CCSER1: variants seen among roughly 807,000 people sequenced by gnomAD.
The protein encoded by CCSER1 is coiled-coil serine rich protein 1, also known as serine-rich coiled-coil domain-containing protein 1.
CCSER1 carries 41 observed loss-of-function variants against 82.0 expected under a neutral mutation model. The ratio of observed to expected loss-of-function variants is 0.50; its 90% confidence interval spans 0.39 to 0.65. The LOEUF is 0.65. Among genes scored for constraint, CCSER1 ranks in the 30% least tolerant of loss-of-function variants. The probability of loss-of-function intolerance (pLI) is 0.00; values close to 1 mark genes in which losing one functional copy is unlikely to be tolerated. For missense variants in CCSER1, 1,119 were observed against 1,064.2 expected, an observed-to-expected ratio of 1.05 and a Z score of -0.72; for synonymous variants, 414 against 383.9, an observed-to-expected ratio of 1.08 and a Z score of -0.92.
chr4:91,386,396 T>A (rs188089864), intron 10 of CCSER1, among the ~76,000 whole-genome samples: 7 of 152,202 alleles, frequency 4.6e-5, no homozygotes, highest in Admixed American at 1.3e-4. Flanking sequence ...ATTAAAGAGA[T>A]GGCAAATAGA....
chr4:90,834,318 A>T (rs1761513874), intron 8 of CCSER1, among the ~76,000 whole-genome samples: 1 of 152,202 alleles, frequency 6.6e-6, no homozygotes. Context: ...GATTCCACAC[A>T]TCATTCTCAA....
At chr4:91,212,710 T>G (rs372475137) in intron 10 of CCSER1, among the ~76,000 whole-genome samples, 6 of 152,330 alleles carry the variant, frequency 3.9e-5, no homozygotes, top group African/African-American at 1.4e-4. Context: ...GTATTTTTTA[T>G]GAAATTTTTA....
chr4:90,182,433 T>C (rs1733893107), intron 1 of CCSER1, among the ~76,000 whole-genome samples: 1 of 152,148 alleles, frequency 6.6e-6, no homozygotes, highest in Admixed American at 6.6e-5. Context: ...GACCAGTCTT[T>C]GTGTTATTCT....
intron 4 of CCSER1, among the ~76,000 whole-genome samples, chr4:90,404,610 C>T (rs1476495159): frequency 6.6e-6 from 1 of 152,202 alleles, no homozygotes; most frequent in African/African-American, 2.4e-5. Context: ...ACAGAGTCCA[C>T]TTCACTCCCC....
intron 10 of CCSER1, among the ~76,000 whole-genome samples, chr4:91,548,725 T>A (rs908387251): frequency 3.9e-5 from 6 of 152,120 alleles, no homozygotes; most frequent in African/African-American, 1.4e-4. Context: ...TGGATGTGAT[T>A]CTTTTTTCTT....
intron 10 of CCSER1, among the ~76,000 whole-genome samples, chr4:91,550,145 A>C (rs1762092845): frequency 6.6e-6 from 1 of 152,176 alleles, no homozygotes. Context: ...AGTTTCTCCC[A>C]AGGGAAGGAC....
At chr4:90,724,698 T>G (rs547341952) in intron 7 of CCSER1, 1 of 354,496 alleles carries the variant, frequency 2.8e-6, no homozygotes, top group South Asian at 2.3e-5. Flanking sequence ...GAAAAAAACT[T>G]AAAACGTTGG....
At chr4:90,274,853 C>G (rs1405394805) in intron 1 of CCSER1, among the ~76,000 whole-genome samples, 1 of 151,958 alleles carries the variant, frequency 6.6e-6, no homozygotes, top group Non-Finnish European at 1.5e-5. Flanking sequence ...AGGAAAAGAT[C>G]AAATTAGAAA....
chr4:91,457,893 T>C (rs1318232487), intron 10 of CCSER1, among the ~76,000 whole-genome samples: 1 of 152,178 alleles, frequency 6.6e-6, no homozygotes, highest in African/African-American at 2.4e-5. Flanking sequence ...TGAAATTTGA[T>C]ATGAAATTAT....
chr4:91,459,255 G>A (rs1384762955), intron 10 of CCSER1, among the ~76,000 whole-genome samples: 1 of 152,002 alleles, frequency 6.6e-6, no homozygotes, highest in African/African-American at 2.4e-5. Flanking sequence ...ATGAAAGGGA[G>A]GCTTAAGAGG....
Position 91,011,698 on chromosome 4 carries a change from G to T in CCSER1, c.2173-74252G>T, listed in dbSNP as rs895725600. Among the ~76,000 whole-genome samples the T allele has an allele frequency of 8.9e-5, 12 of 134,398 alleles. 2 individuals carry two copies. The highest frequency in any genetic ancestry group is 3.0e-4 in the African/African-American group (12 of 40,328). 88.2% of individuals were successfully genotyped at this position (134,398 alleles called of 152,430 possible). ...TGGGCCCAAGGAGCAAGGTGTAGCT[G>T]CAATTTGTGTACCAGAGCCAATAGG... On this transcript the variant is annotated intron_variant, in intron 9 of 10. Coordinates refer to ENST00000509176, the MANE Select transcript of CCSER1 (RefSeq NM_001145065.2).
At chr4:90,578,544 A>T (rs2148619273) in intron 5 of CCSER1, among the ~76,000 whole-genome samples, 1 of 152,324 alleles carries the variant, frequency 6.6e-6, no homozygotes, top group South Asian at 2.1e-4. Context: ...CTTAGAGAAT[A>T]GGCAAAAAAT....
intron 1 of CCSER1, among the ~76,000 whole-genome samples, chr4:90,240,354 G>A (rs991934671): frequency 6.6e-6 from 1 of 152,166 alleles, no homozygotes; most frequent in Admixed American, 6.5e-5. Flanking sequence ...TCTTTCTGGA[G>A]AAGGCCTTGG....
At chr4:90,904,869 C>G (rs1725224234) in intron 8 of CCSER1, among the ~76,000 whole-genome samples, 1 of 152,038 alleles carries the variant, frequency 6.6e-6, no homozygotes, top group Non-Finnish European at 1.5e-5. Context: ...CAGTATCTCC[C>G]ATTCACCCTT....
At chr4:91,276,411 A>T (rs780691651) in intron 10 of CCSER1, among the ~76,000 whole-genome samples, 11 of 151,904 alleles carry the variant, frequency 7.2e-5, no homozygotes, top group South Asian at 2.1e-4. Flanking sequence ...AGCTATTGAA[A>T]AATGAGATTA....
At chr4:90,135,884 T>C (rs1292855339) in intron 1 of CCSER1, among the ~76,000 whole-genome samples, 2 of 152,258 alleles carry the variant, frequency 1.3e-5, no homozygotes, top group Non-Finnish European at 2.9e-5. Context: ...TTATGGTGTT[T>C]ACTGAACAGC....
chr4:91,041,328 G>A (rs1190299126), intron 9 of CCSER1, among the ~76,000 whole-genome samples: 2 of 152,096 alleles, frequency 1.3e-5, no homozygotes, highest in Non-Finnish European at 2.9e-5. Flanking sequence ...ATCCATTTTG[G>A]TCAGTGACAG....
intron 10 of CCSER1, among the ~76,000 whole-genome samples, chr4:91,582,858 G>T (rs1489571310): frequency 6.6e-6 from 1 of 151,246 alleles, no homozygotes; most frequent in Non-Finnish European, 1.5e-5. Flanking sequence ...GAGCCCAACT[G>T]CAAAACTATT....
chr4:91,010,486 A>G (rs1462374111), intron 9 of CCSER1, among the ~76,000 whole-genome samples: 1 of 136,942 alleles, frequency 7.3e-6, no homozygotes, highest in Middle Eastern at 3.9e-3. Context: ...TAGCAATTAC[A>G]GCATTAACTA....
Sources: allele counts gnomAD v4.1 joint callset (sites outside exome capture counted in the v4.1 genomes callset), GRCh38; gene constraint gnomAD v4.1.1; transcripts MANE v1.5; gene names NCBI Gene and HGNC (gene_info 2026-07-23, HGNC 2026-07-21).